CSTPP1: variants seen among roughly 807,000 people sequenced by gnomAD.
CSTPP1 encodes centriolar satellite-associated tubulin polyglutamylase complex regulator 1.
At chr11:47,122,959 T>A in the CSTPP1 span, 1 of 152,236 alleles carries the variant, frequency 6.6e-6, no homozygotes, top group African/African-American at 2.4e-5. Flanking sequence ...CTACTATTTT[T>A]AACTCTGTTG....
chr11:47,092,766 C>G, the CSTPP1 span, among the ~76,000 whole-genome samples: 1 of 152,188 alleles, frequency 6.6e-6, no homozygotes, highest in Non-Finnish European at 1.5e-5. Flanking sequence ...GACCCAGCAT[C>G]CAGTCAGGGT....
chr11:47,037,388 TA>T, the CSTPP1 span, among the ~76,000 whole-genome samples: 5 of 81,518 alleles, frequency 6.1e-5, no homozygotes, highest in East Asian at 6.6e-4. Flanking sequence ...TTATTATTAT[TA>T]TTATTTTTTT....
chr11:46,996,918 A>T, the CSTPP1 span, among the ~76,000 whole-genome samples: 2 of 152,200 alleles, frequency 1.3e-5, no homozygotes, highest in Non-Finnish European at 2.9e-5. Context: ...TTCTGCCAAG[A>T]GATCTGCTGT....
chr11:47,164,101 G>A, the CSTPP1 span: 1 of 1,611,398 alleles, frequency 6.2e-7, no homozygotes, highest in Non-Finnish European at 8.5e-7. Context: ...AGGGTGGTGA[G>A]GTCGAAGCTG....
At chr11:46,998,865 A>G in the CSTPP1 span, among the ~76,000 whole-genome samples, 1 of 152,026 alleles carries the variant, frequency 6.6e-6, no homozygotes, top group Non-Finnish European at 1.5e-5. Flanking sequence ...CCTCCCGAGT[A>G]TCTGGGACTA....
chr11:47,060,598 G>T, the CSTPP1 span, among the ~76,000 whole-genome samples: 1 of 152,054 alleles, frequency 6.6e-6, no homozygotes, highest in African/African-American at 2.4e-5. Context: ...GAAGGGCTTT[G>T]TGTGCACTAA....
the CSTPP1 span, among the ~76,000 whole-genome samples, chr11:46,967,156 A>G: frequency 2.0e-5 from 3 of 152,064 alleles, no homozygotes; most frequent in Non-Finnish European, 4.4e-5. Flanking sequence ...ATTATCTCCT[A>G]TATTTTCTTC....
At chr11:47,048,296 A>G in the CSTPP1 span, among the ~76,000 whole-genome samples, 1 of 152,330 alleles carries the variant, frequency 6.6e-6, no homozygotes. Flanking sequence ...TGGTACATAC[A>G]TACAAAGGAA....
chr11:47,110,135 A>C, the CSTPP1 span, among the ~76,000 whole-genome samples: 4 of 152,126 alleles, frequency 2.6e-5, no homozygotes, highest in Non-Finnish European at 4.4e-5. Flanking sequence ...TCCTAAAAGT[A>C]TTTCTTTCTT....
the CSTPP1 span, chr11:47,157,949 C>T: frequency 6.3e-7 from 1 of 1,585,428 alleles, no homozygotes; most frequent in Non-Finnish European, 8.7e-7. Context: ...CAGCCGTCAG[C>T]CTCTCCTGCC....
the CSTPP1 span, among the ~76,000 whole-genome samples, chr11:47,089,154 C>G: frequency 1.3e-5 from 2 of 152,024 alleles, no homozygotes; most frequent in Admixed American, 1.3e-4. Flanking sequence ...CCCCTGAGGG[C>G]AAGGAGTAAT....
the CSTPP1 span, among the ~76,000 whole-genome samples, chr11:47,053,619 CAA>C: frequency 3.9e-4 from 38 of 96,422 alleles, no homozygotes; most frequent in Middle Eastern, 6.0e-3. Context: ...GACTCTGCCT[CAA>C]AAAAAAAAAA....
At chr11:46,968,627 G>A in the CSTPP1 span, among the ~76,000 whole-genome samples, 2 of 151,684 alleles carry the variant, frequency 1.3e-5, no homozygotes, top group East Asian at 1.9e-4. Flanking sequence ...TCTGCTGGGC[G>A]CAGTGGCTCA....
At chr11:47,103,371 G>C in the CSTPP1 span, among the ~76,000 whole-genome samples, 5 of 149,424 alleles carry the variant, frequency 3.3e-5, no homozygotes, top group African/African-American at 1.2e-4. Context: ...CTGCACTCTG[G>C]CCTGGGCAAC....
chr11:47,004,923 C>T, the CSTPP1 span, among the ~76,000 whole-genome samples: 1 of 152,162 alleles, frequency 6.6e-6, no homozygotes, highest in Non-Finnish European at 1.5e-5. Flanking sequence ...ATTGAGAAAC[C>T]ACAGAGCCCA....
the CSTPP1 span, among the ~76,000 whole-genome samples, chr11:47,116,427 C>G: frequency 6.6e-6 from 1 of 151,876 alleles, no homozygotes; most frequent in East Asian, 1.9e-4. Flanking sequence ...GTTAAAGTCT[C>G]CCATTATTAT....
chr11:47,059,999 G>A, the CSTPP1 span, among the ~76,000 whole-genome samples: 1 of 151,720 alleles, frequency 6.6e-6, no homozygotes, highest in Non-Finnish European at 1.5e-5. Context: ...AGCTACTCAG[G>A]AGGCTAAAGC....
the CSTPP1 span, among the ~76,000 whole-genome samples, chr11:46,940,860 C>T: frequency 1.3e-5 from 2 of 152,102 alleles, no homozygotes; most frequent in Non-Finnish European, 2.9e-5. Flanking sequence ...TTTGAAAAGG[C>T]TAGTTCATTG....
At chr11:47,024,816 G>T in the CSTPP1 span, among the ~76,000 whole-genome samples, 1 of 151,832 alleles carries the variant, frequency 6.6e-6, no homozygotes, top group Non-Finnish European at 1.5e-5. Context: ...TTAAATTCTC[G>T]TTTGTTTATA....
Sources: allele counts gnomAD v4.1 joint callset (sites outside exome capture counted in the v4.1 genomes callset), GRCh38; gene constraint gnomAD v4.1.1; transcripts MANE v1.5; gene names NCBI Gene and HGNC (gene_info 2026-07-23, HGNC 2026-07-21).